The following ALMS1 variants were observed in gnomAD, a reference collection of about 807,000 sequenced individuals.
ALMS1 encodes the protein ALMS1 centrosome and basal body associated protein.
Under a neutral mutation model 352.2 loss-of-function variants are expected in ALMS1, and 271 were observed. That is an observed-to-expected ratio of 0.77 (90% CI 0.70 to 0.85). The LOEUF (loss-of-function observed/expected upper bound fraction) is 0.85. Ranked by LOEUF, ALMS1 falls within the 40% of genes least tolerant of loss-of-function variation. ALMS1 has a pLI of 0.00. For synonymous variants in ALMS1, 1,865 were observed against 1,761.2 expected, an observed-to-expected ratio of 1.06 and a Z score of -1.48; for missense variants, 5,445 against 4,870.7, an observed-to-expected ratio of 1.12 and a Z score of -3.51.
At chr2:73,581,388 G>C (rs1457778414) in intron 16 of ALMS1, among the ~76,000 whole-genome samples, 1 of 152,166 alleles carries the variant, frequency 6.6e-6, no homozygotes, top group South Asian at 2.1e-4. Context: ...TGGGAACAAG[G>C]TACTACTCCG....
chr2:73,583,457 ACT>A (rs1467052477), intron 16 of ALMS1, among the ~76,000 whole-genome samples: 6 of 151,748 alleles, frequency 4.0e-5, no homozygotes. Context: ...GTTGTCTTTC[ACT>A]CTGTTGATTG....
chr2:73,408,932 G>C (rs552543726), intron 2 of ALMS1, among the ~76,000 whole-genome samples, 185 bp downstream of exon 2: 39 of 145,154 alleles, frequency 2.7e-4, no homozygotes, highest in African/African-American at 9.3e-4. Flanking sequence ...GAGGGCAGTG[G>C]CATGATCATA....
At chr2:73,596,860 C>CTTTTTTTTTTTTTTTTTTTTTTTT (rs70965740) in intron 16 of ALMS1, among the ~76,000 whole-genome samples, 3 of 104,246 alleles carry the variant, frequency 2.9e-5, no homozygotes, top group South Asian at 3.7e-4. Context: ...CCCTCTACCT[C>CTTTTTTTTTTTTTTTTTTTTTTTT]TTTTTTTTTT....
chr2:73,500,606 C>T (rs969497402), intron 10 of ALMS1, among the ~76,000 whole-genome samples: 2 of 152,052 alleles, frequency 1.3e-5, no homozygotes, highest in Admixed American at 6.6e-5. Flanking sequence ...AAAGGGGATT[C>T]CACACTCTAT....
chr2:73,474,124 AAGTC>A (rs1421815506), intron 9 of ALMS1, among the ~76,000 whole-genome samples: 2 of 151,888 alleles, frequency 1.3e-5, no homozygotes, highest in African/African-American at 4.8e-5. Flanking sequence ...TTCCTTAATG[AAGTC>A]AGCTTTAACA....
At chr2:73,563,035 A>G (rs945516224) in intron 15 of ALMS1, among the ~76,000 whole-genome samples, 4 of 152,016 alleles carry the variant, frequency 2.6e-5, no homozygotes, top group African/African-American at 9.6e-5. Flanking sequence ...AAAAATTGCC[A>G]TAAAATGAAA....
intron 11 of ALMS1, among the ~76,000 whole-genome samples, chr2:73,526,747 T>G (rs533912930): frequency 1.9e-3 from 285 of 152,300 alleles, no homozygotes; most frequent in African/African-American, 6.7e-3. Flanking sequence ...CTTTCCAATC[T>G]GGATCTCCTT....
chr2:73,386,189 G>A lies in ALMS1; in HGVS notation c.321G>A (p.Glu107=), dbSNP rs1307758613. 2 of 1,538,536 alleles carry A rather than the reference G, an allele frequency of 1.3e-6. No individual in the cohort carries two copies. Among genetic ancestry groups the A allele is most frequent in the Non-Finnish European group, 1.8e-6 (2 of 1,140,114 alleles). Reference sequence around the variant, plus strand: ...CGGAGGGCGAGCGGACCTCCCTGGAGAAGGTGAGGCGGGCCGGGGAGGGGT... The same window carrying A: ...CGGAGGGCGAGCGGACCTCCCTGGAAAAGGTGAGGCGGGCCGGGGAGGGGT... The part of the protein sequence containing the change: ...RYSEGERTSL[E]KIVPLTCHVW... The change falls in exon 1 of 23, where the codon GAG becomes GAA. Residue 107 remains glutamate (E), a synonymous_variant. Coordinates refer to ENST00000613296, the MANE Select transcript of ALMS1 (RefSeq NM_001378454.1).
Position 73,490,651 on chromosome 2 carries a change from G to A in ALMS1, c.8692G>A (p.Asp2898Asn), listed in dbSNP as rs748526318. ...ACAAAGCAAAGCCCCACGTGCAGAT[G>A]ACCATGTGAGGAAACACCATTCTCC... ...FEQSKAPRAD[D>N]HVRKHHSPSP... Residue 2898 changes from aspartate to asparagine, a missense_variant, in exon 10 of 23, where the codon GAC becomes AAC. Asp to Asn is a conservative substitution (Grantham distance 23, BLOSUM62 1). Coordinates refer to ENST00000613296, the MANE Select transcript of ALMS1 (RefSeq NM_001378454.1). 4 of 1,613,870 alleles carry A rather than the reference G, an allele frequency of 2.5e-6. No homozygotes were observed. The highest frequency in any genetic ancestry group is 2.5e-6 in the Non-Finnish European group (3 of 1,180,002).
rs200470452 is a variant in ALMS1 at position 73,453,720 on chromosome 2, C to A, written c.7193C>A (p.Thr2398Asn). Residue 2398 changes from threonine (T) to asparagine (N), a missense_variant, in exon 8 of 23, where the codon ACC (threonine) becomes AAC (asparagine). By Grantham distance (65) the Thr-to-Asn change is moderately conservative. Coordinates refer to ENST00000613296, the MANE Select transcript of ALMS1 (RefSeq NM_001378454.1). The part of the protein sequence containing the change: ...MRSEPEGCSG[T>N]IGNKIIIPMM... Reference sequence around the variant, plus strand: ...TCTGAACCTGAAGGGTGTAGTGGAACCATTGGGAATAAAATTATTATCCCT... The same window carrying A: ...TCTGAACCTGAAGGGTGTAGTGGAAACATTGGGAATAAAATTATTATCCCT... 4.3e-6 allele frequency: 7 copies of A among 1,613,978 alleles called. No individual in the cohort carries two copies. The highest frequency in any genetic ancestry group is 1.6e-4 in the Middle Eastern group (1 of 6,084).
chr2:73,424,539 C>T lies in ALMS1; in HGVS notation c.874C>T (p.Arg292Cys), dbSNP rs757657988. The change falls in exon 5 of 23, where the codon CGC becomes TGC. Residue 292 changes from arginine (R) to cysteine (C), a missense_variant. Transcript: ENST00000613296. The part of the protein sequence containing the change: ...AEVASDLASS[R>C]FSVSQHPLIG... ...AGTAGCTTCAGACTTAGCAAGCAGTCGCTTTAGTGTATCTCAGCACCCGCT... is the reference window on the plus strand; with the variant it reads ...AGTAGCTTCAGACTTAGCAAGCAGTTGCTTTAGTGTATCTCAGCACCCGCT... The T allele has an allele frequency of 1.4e-5, 22 of 1,612,082 alleles. No individual in the cohort carries two copies. Among genetic ancestry groups the T allele is most frequent in the Middle Eastern group, 1.6e-4 (1 of 6,066 alleles).
chr2:73,479,659 T>A (rs1160685137), intron 9 of ALMS1, among the ~76,000 whole-genome samples: 1 of 152,234 alleles, frequency 6.6e-6, no homozygotes, highest in Non-Finnish European at 1.5e-5. Context: ...TTTTTGGCTT[T>A]ACCAGTACAG....
At chr2:73,464,913 G>A (rs1355273919) in intron 9 of ALMS1, among the ~76,000 whole-genome samples, 2 of 152,118 alleles carry the variant, frequency 1.3e-5, no homozygotes, top group African/African-American at 4.8e-5. Flanking sequence ...TCTTCAAGGA[G>A]AACTACAAAC....
chr2:73,590,710 G>A (rs1165790902), intron 16 of ALMS1, among the ~76,000 whole-genome samples: 6 of 121,564 alleles, frequency 4.9e-5, no homozygotes, highest in South Asian at 5.1e-4. Flanking sequence ...GAGATGTCTC[G>A]CTCTGTCACC....
intron 9 of ALMS1, among the ~76,000 whole-genome samples, chr2:73,464,186 A>G (rs578035523): frequency 6.6e-6 from 1 of 152,226 alleles, no homozygotes; most frequent in African/African-American, 2.4e-5. Context: ...CATTGATGCA[A>G]AAATCCTCAA....
intron 15 of ALMS1, among the ~76,000 whole-genome samples, chr2:73,563,882 T>C (rs984566809): frequency 4.0e-5 from 6 of 151,748 alleles, no homozygotes; most frequent in Admixed American, 6.6e-5. Context: ...CCCTAGGAAA[T>C]CTTCAAAGAG....
At chr2:73,528,346 A>G (rs371029983) in intron 11 of ALMS1, among the ~76,000 whole-genome samples, 11 of 152,142 alleles carry the variant, frequency 7.2e-5, no homozygotes, top group African/African-American at 2.4e-4. Context: ...CTGTTATTGT[A>G]TTAGGTTCTA....
rs1210642354 is a variant in ALMS1 at position 73,451,603 on chromosome 2, AC to A, written c.5078del (p.Pro1693LeufsTer39). 1.2e-6 allele frequency: 2 copies of A among 1,613,972 alleles called. No homozygotes were observed. The highest frequency in any genetic ancestry group is 2.2e-5 in the South Asian group (2 of 91,068). ...HLPEEALKVP[P>X]VPGPDAQKTE... ...TACCTGAAGAAGCTCTGAAAGTTCCACCTGTTCCTGGACCAGATGCCCAGAA... is the reference window on the plus strand; with the variant it reads ...TACCTGAAGAAGCTCTGAAAGTTCCACTGTTCCTGGACCAGATGCCCAGAA... On this transcript the variant is annotated frameshift_variant, in exon 8 of 23. Transcript: ENST00000613296. LOFTEE classifies it high-confidence loss of function.
intron 1 of ALMS1, among the ~76,000 whole-genome samples, chr2:73,406,153 T>C (rs994114014): frequency 1.4e-4 from 21 of 152,220 alleles, no homozygotes; most frequent in Non-Finnish European, 2.6e-4. Context: ...TTCAATTTTA[T>C]CAATGTTTGC....
Sources: gnomAD v4.1 joint callset for allele counts (sites outside exome capture counted in the v4.1 genomes callset) on GRCh38, gnomAD v4.1.1 for gene constraint, MANE v1.5 for transcripts, NCBI Gene and HGNC (gene_info 2026-07-23, HGNC 2026-07-21) for gene names.